The following PCDH7 variants were observed in gnomAD, a reference collection of about 807,000 sequenced individuals.
The protein encoded by PCDH7 is protocadherin-7.
PCDH7 carries 17 observed loss-of-function variants against 58.9 expected under a neutral mutation model. The observed-to-expected ratio is 0.29, with a 90% confidence interval of 0.20 to 0.43. PCDH7 has a LOEUF of 0.43. Ranked by LOEUF, PCDH7 falls within the 20% of genes least tolerant of loss-of-function variation. The pLI, the probability that PCDH7 is intolerant of heterozygous loss-of-function variation, is 1.00. For synonymous variants in PCDH7, 664 were observed against 616.4 expected (o/e 1.08, Z -1.14); for missense variants, 1,274 against 1,441.0 (o/e 0.88, Z 1.88).
At chr4:31,011,669 A>C (rs1362179569) in intron 3 of PCDH7, among the ~76,000 whole-genome samples, 3 of 152,072 alleles carry the variant, frequency 2.0e-5, no homozygotes, top group African/African-American at 7.2e-5. Context: ...TTTTTAATAA[A>C]TAATAAAGTA....
intron 1 of PCDH7, among the ~76,000 whole-genome samples, chr4:30,866,862 C>G (rs890199210): frequency 5.3e-5 from 8 of 152,114 alleles, no homozygotes; most frequent in Non-Finnish European, 1.2e-4. Context: ...ATGTAGCCCT[C>G]ATTTTGATAA....
chr4:30,942,011 T>C (rs917892526), intron 2 of PCDH7, among the ~76,000 whole-genome samples: 18 of 151,956 alleles, frequency 1.2e-4, no homozygotes, highest in Admixed American at 5.9e-4. Context: ...GAGGCCTGTA[T>C]TTATTTATTT....
At chr4:30,728,827 A>G (rs1266408259) in intron 1 of PCDH7, among the ~76,000 whole-genome samples, 3 of 151,142 alleles carry the variant, frequency 2.0e-5, no homozygotes, top group African/African-American at 7.3e-5. Context: ...CGTATGTGAA[A>G]AAGTGTGAAC....
intron 3 of PCDH7, among the ~76,000 whole-genome samples, chr4:30,955,181 ATTGT>A (rs1167739375): frequency 6.6e-6 from 1 of 152,034 alleles, no homozygotes; most frequent in Non-Finnish European, 1.5e-5. Context: ...AATCCAGGAA[ATTGT>A]TTGGTGCTCT....
chr4:30,856,426 A>G (rs1309117438), intron 1 of PCDH7, among the ~76,000 whole-genome samples: 3 of 152,084 alleles, frequency 2.0e-5, no homozygotes, highest in Non-Finnish European at 4.4e-5. Context: ...AGTAGGTAAA[A>G]GAAGAAATAC....
intron 1 of PCDH7, among the ~76,000 whole-genome samples, chr4:30,740,595 C>T (rs1275419085): frequency 6.6e-6 from 1 of 151,616 alleles, no homozygotes; most frequent in Non-Finnish European, 1.5e-5. Context: ...AATGCCTTTT[C>T]ATAGAGAATA....
chr4:30,919,818 A>G (rs1426726744), intron 1 of PCDH7, among the ~76,000 whole-genome samples: 1 of 152,164 alleles, frequency 6.6e-6, no homozygotes, highest in Non-Finnish European at 1.5e-5. Flanking sequence ...TTTAGAGGCC[A>G]TTTCTGGAAA....
rs145307865 is a variant in PCDH7, at chr4:31,098,043, A to C, written c.*8-44430A>C. ...GGAAAGTATTTGGGTGCAGCACTGTAACCCAAAGTCCTTCGTATACTTCTG... is the reference window on the plus strand; with the variant it reads ...GGAAAGTATTTGGGTGCAGCACTGTCACCCAAAGTCCTTCGTATACTTCTG... On this transcript the variant is annotated intron_variant, in intron 3 of 3. Transcript: ENST00000509759. 1.8e-3 allele frequency among the ~76,000 whole-genome samples: 277 copies of C among 152,266 alleles called. 2 individuals are homozygous for C. The highest frequency in any genetic ancestry group is 6.4e-3 in the African/African-American group (266 of 41,546).
In PCDH7 at chr4:30,960,541, C is replaced by A. The variant is rs556982151; in HGVS notation, c.*7+10326C>A. Among the ~76,000 whole-genome samples the A allele has an allele frequency of 4.9e-4, 75 of 152,226 alleles. 1 individual carries two copies. In the South Asian group the frequency reaches 0.011, roughly 22 times the overall value. ...TAGTCACAATAATCATGGAAAAGAT[C>A]TGGGGAGGAAATTATAGGATATATT... On this transcript the variant is annotated intron_variant, in intron 3 of 3. Transcript: ENST00000509759.
chr4:30,767,578 C>T (rs535911731), intron 1 of PCDH7, among the ~76,000 whole-genome samples: 9 of 152,236 alleles, frequency 5.9e-5, no homozygotes, highest in African/African-American at 1.9e-4. Flanking sequence ...AGAACTGTGA[C>T]GGTTTGTTCA....
At chr4:30,923,633 C>T (rs1460632777) in intron 2 of PCDH7, among the ~76,000 whole-genome samples, 1 of 151,972 alleles carries the variant, frequency 6.6e-6, no homozygotes, top group Non-Finnish European at 1.5e-5. Context: ...TTTAAAGTTC[C>T]AAATCTGTAG....
At chr4:30,813,388 A>T (rs113718388) in intron 1 of PCDH7, among the ~76,000 whole-genome samples, 2 of 152,142 alleles carry the variant, frequency 1.3e-5, no homozygotes, top group African/African-American at 2.4e-5. Flanking sequence ...GATCCTCCAA[A>T]ATAAATGTTA....
At chr4:30,972,068 C>G (rs1055740850) in intron 3 of PCDH7, among the ~76,000 whole-genome samples, 4 of 152,122 alleles carry the variant, frequency 2.6e-5, no homozygotes, top group African/African-American at 9.7e-5. Context: ...TAGGGAGCAC[C>G]TAAGAAGCCT....
At chr4:31,145,680 G>A (rs1720627334), downstream of PCDH7, 1 of 151,954 alleles carries the variant, frequency 6.6e-6, no homozygotes, top group Non-Finnish European at 1.5e-5. Flanking sequence ...CTCAGATAAT[G>A]GACCAGTCTT....
intron 3 of PCDH7, among the ~76,000 whole-genome samples, chr4:31,141,823 G>A (rs1294607381): frequency 6.6e-6 from 1 of 152,112 alleles, no homozygotes; most frequent in Non-Finnish European, 1.5e-5. Context: ...GGTAGGAGGG[G>A]GGTGAGGGGA....
chr4:31,098,802 A>G (rs1469250243), intron 3 of PCDH7, among the ~76,000 whole-genome samples: 1 of 152,168 alleles, frequency 6.6e-6, no homozygotes, highest in Non-Finnish European at 1.5e-5. Context: ...ACACAATACC[A>G]CAGACTGGGA....
chr4:30,806,596 G>A (rs577397179), intron 1 of PCDH7, among the ~76,000 whole-genome samples: 10 of 151,636 alleles, frequency 6.6e-5, no homozygotes, highest in South Asian at 2.1e-4. Context: ...GAGCCACTGC[G>A]CCTGGCCACC....
intron 3 of PCDH7, 103 bp from the exon 3 acceptor site, chr4:31,142,370 G>A: frequency 9.5e-7 from 1 of 1,051,550 alleles, no homozygotes; most frequent in South Asian, 1.5e-5. Context: ...TGAGAAATAA[G>A]ATGGTAAGGA....
intron 1 of PCDH7, among the ~76,000 whole-genome samples, chr4:30,772,954 T>C (rs1721603627): frequency 6.6e-6 from 1 of 152,216 alleles, no homozygotes; most frequent in Admixed American, 6.5e-5. Flanking sequence ...CAGGCTGCAG[T>C]GCAGTAGCAC....
Sources: allele counts gnomAD v4.1 joint callset (sites outside exome capture counted in the v4.1 genomes callset), GRCh38; gene constraint gnomAD v4.1.1; transcripts MANE v1.5; gene names NCBI Gene and HGNC (gene_info 2026-07-23, HGNC 2026-07-21).